Variants in PCNX2 observed in about 807,000 individuals in gnomAD.
PCNX2 encodes pecanex 2.
Under a neutral mutation model 223.8 loss-of-function variants are expected in PCNX2, and 168 were observed. That is an observed-to-expected ratio of 0.75 (90% CI 0.66 to 0.85). PCNX2 has a LOEUF of 0.85. Among genes scored for constraint, PCNX2 ranks in the 40% least tolerant of loss-of-function variants. The pLI is 0.00. For synonymous variants in PCNX2, 1,006 were observed against 1,052.6 expected, an observed-to-expected ratio of 0.96 and a Z score of 0.86; for missense variants, 2,507 against 2,675.5, an observed-to-expected ratio of 0.94 and a Z score of 1.39.
At chr1:233,089,231 A>C (rs974617979) in intron 23 of PCNX2, among the ~76,000 whole-genome samples, 2 of 152,220 alleles carry the variant, frequency 1.3e-5, no homozygotes, top group Non-Finnish European at 2.9e-5. Context: ...AAATAGCACA[A>C]GTATGGCTAA....
At chr1:233,038,044 T>G (rs1671518012) in intron 25 of PCNX2, among the ~76,000 whole-genome samples, 1 of 152,222 alleles carries the variant, frequency 6.6e-6, no homozygotes, top group African/African-American at 2.4e-5. Flanking sequence ...GAGACTATTC[T>G]TGTGGAAGGG....
At chr1:233,267,256 G>GCA (rs1391290723) in intron 1 of PCNX2, among the ~76,000 whole-genome samples, 2 of 150,582 alleles carry the variant, frequency 1.3e-5, no homozygotes, top group Non-Finnish European at 3.0e-5. Flanking sequence ...GGCAGAGGTT[G>GCA]CAATGAGCCA....
chr1:233,005,607 A>G (rs1670255787), intron 28 of PCNX2, among the ~76,000 whole-genome samples: 1 of 152,236 alleles, frequency 6.6e-6, no homozygotes, highest in African/African-American at 2.4e-5. Context: ...GAAATTATCC[A>G]CAGCACCTTA....
chr1:232,989,896 T>G (rs1167201653), intron 32 of PCNX2, among the ~76,000 whole-genome samples: 3 of 152,236 alleles, frequency 2.0e-5, no homozygotes, highest in Non-Finnish European at 4.4e-5. Flanking sequence ...CACTGCAGAC[T>G]GGAGGGCAAG....
At chr1:232,985,656 C>G in intron 33 of PCNX2, 1 of 397,156 alleles carries the variant, frequency 2.5e-6, no homozygotes, top group East Asian at 4.0e-5. Flanking sequence ...ATCTCAGCAG[C>G]TTTAAAGTCA....
intron 23 of PCNX2, among the ~76,000 whole-genome samples, chr1:233,086,640 CA>C (rs1295182770): frequency 6.6e-6 from 1 of 151,918 alleles, no homozygotes; most frequent in Non-Finnish European, 1.5e-5. Context: ...CACTGCACTC[CA>C]GCCTGGGCAA....
intron 10 of PCNX2, among the ~76,000 whole-genome samples, chr1:233,224,848 A>C (rs536693865): frequency 1.3e-5 from 2 of 152,236 alleles, no homozygotes; most frequent in African/African-American, 4.8e-5. Flanking sequence ...CTAACACAGG[A>C]ACAGAAAACC....
rs1659829757 is a variant in PCNX2 at position 233,258,049 on chromosome 1, C to T, written c.1813G>A (p.Glu605Lys). The T allele has an allele frequency of 2.5e-6, 4 of 1,612,236 alleles. No individual in the cohort carries two copies. The highest frequency in any genetic ancestry group is 3.4e-6 in the Non-Finnish European group (4 of 1,178,424). The change falls in exon 5 of 34, where the codon GAA (glutamate) becomes AAA (lysine). Residue 605 changes from glutamate to lysine, a missense_variant. This residue lies in a region of PCNX2 where 1,031 missense variants were observed against 1,021.7 expected (regional missense o/e 1.01). Coordinates refer to ENST00000258229, the MANE Select transcript of PCNX2 (RefSeq NM_014801.4). ...SQLNGSAEQN[E>K]ESGLLRDNCS... ...GCACCTCGGAGAAGCCCACTTTCTT[C>T]ATTCTGCTCAGCTGAGCCATTCAGT... is the stretch of plus-strand genomic sequence containing the variant.
At position 233,113,959 on chromosome 1, in the gene PCNX2, T is replaced by A. The variant is rs140114439; in HGVS notation, c.3838-18096A>T. Among the ~76,000 whole-genome samples the A allele has an allele frequency of 4.1e-3, 617 of 152,338 alleles. 3 individuals are homozygous for A. Among genetic ancestry groups the A allele is most frequent in the African/African-American group, 0.014 (599 of 41,568 alleles). Reference sequence around the variant, plus strand: ...TTCAACATTCCGGAGTTTTATTTCATATCTACTCTGTGCCTGACTGTGTTC... The same window carrying A: ...TTCAACATTCCGGAGTTTTATTTCAAATCTACTCTGTGCCTGACTGTGTTC... On this transcript the variant is annotated intron_variant, in intron 21 of 33. Coordinates refer to ENST00000258229, the MANE Select transcript of PCNX2 (RefSeq NM_014801.4).
rs1558189466 is a variant in PCNX2, at chr1:233,052,854, C to G, written c.4351+1414G>C. ...AGGCTTCCCTGTTTTAGTAAACACA[C>G]CTCTGCCCATGCAGACACTCGATCT... On this transcript the variant is annotated intron_variant, in intron 25 of 33. Coordinates refer to ENST00000258229, the MANE Select transcript of PCNX2 (RefSeq NM_014801.4). Among the ~76,000 whole-genome samples the G allele has an allele frequency of 3.3e-5, 5 of 152,052 alleles. No homozygotes were observed. In the South Asian group the frequency reaches 1.0e-3, roughly 32 times the overall value.
intron 1 of PCNX2, chr1:233,284,917 G>C: frequency 5.2e-6 from 5 of 957,932 alleles, no homozygotes; most frequent in Non-Finnish European, 6.2e-6. Context: ...AGGGTCATGG[G>C]GGGGATGATA....
chr1:233,259,345 C>A lies in PCNX2; in HGVS notation c.518-1G>T, dbSNP rs776646263. The A allele has an allele frequency of 6.2e-7, 1 of 1,602,708 alleles. No individual in the cohort carries two copies. Among genetic ancestry groups the A allele is most frequent in the Non-Finnish European group, 8.5e-7 (1 of 1,173,116 alleles). ...GGATGGTCTTCTAATAGAATGACAC[C>A]TGAAATGACACATGGCAACTTTATT... On this transcript the variant is annotated splice_acceptor_variant, in intron 4 of 33. Coordinates refer to ENST00000258229, the MANE Select transcript of PCNX2 (RefSeq NM_014801.4). LOFTEE classifies it high-confidence loss of function.
At position 233,236,940 on chromosome 1, in the gene PCNX2, T is replaced by G. The variant is rs765189510; in HGVS notation, c.2263A>C (p.Ser755Arg). 1.9e-6 allele frequency: 3 copies of G among 1,613,996 alleles called. No homozygotes were observed. The Admixed American group carries it at 5.0e-5, about 27-fold the overall frequency. ...VSSSSTTTSE[S>R]QDPSSGDPAV... ...GGGTCCCCAGAAGACGGATCTTGACTCTCAGAAGTTGTGGTACTGGAGGAG... is the reference window on the plus strand; with the variant it reads ...GGGTCCCCAGAAGACGGATCTTGACGCTCAGAAGTTGTGGTACTGGAGGAG... The change falls in exon 9 of 34, where the codon AGT becomes CGT. Residue 755 changes from serine to arginine, a missense_variant. By Grantham distance (110) the Ser-to-Arg change is moderately radical. This residue lies in a region of PCNX2 where 1,031 missense variants were observed against 1,021.7 expected (regional missense o/e 1.01). Coordinates refer to ENST00000258229, the MANE Select transcript of PCNX2 (RefSeq NM_014801.4).
upstream of PCNX2, among the ~76,000 whole-genome samples, chr1:233,297,805 C>T (rs750190144): frequency 6.6e-6 from 1 of 151,972 alleles, no homozygotes; most frequent in Non-Finnish European, 1.5e-5. Flanking sequence ...GTGACATGAT[C>T]GATAGTACAG....
chr1:233,160,292 C>T lies in PCNX2; in HGVS notation c.3508G>A (p.Glu1170Lys), dbSNP rs1558294979. Residue 1170 changes from glutamate (E) to lysine (K), a missense_variant, in exon 19 of 34, where the codon GAA becomes AAA. By Grantham distance (56) the Glu-to-Lys change is moderately conservative. Transcript: ENST00000258229. ...ILKNKEYHQR[E>K]VRDVAHLMWF... ...GGGATATATTACTAACCTCTCACTT[C>T]CCGTTGATGATACTCTTTGTTTTTG... The T allele has an allele frequency of 2.5e-6, 4 of 1,612,754 alleles. No individual in the cohort carries two copies. Among genetic ancestry groups the T allele is most frequent in the African/African-American group, 1.3e-5 (1 of 74,850 alleles).
At chr1:233,309,577 T>C in the PCNX2 span, among the ~76,000 whole-genome samples, 1 of 147,380 alleles carries the variant, frequency 6.8e-6, no homozygotes, top group African/African-American at 2.5e-5. Context: ...AATTAAAAAA[T>C]ATATACAAAA....
At chr1:233,291,831 G>A in intron 1 of PCNX2, 1 of 980,514 alleles carries the variant, frequency 1.0e-6, no homozygotes, top group Non-Finnish European at 1.2e-6. Flanking sequence ...CTTTCAGTTT[G>A]TCCAAAAGAA....
chr1:233,121,073 C>T (rs966613422), intron 21 of PCNX2, among the ~76,000 whole-genome samples: 18 of 151,594 alleles, frequency 1.2e-4, no homozygotes, highest in Middle Eastern at 3.2e-3. Context: ...AAAATACACC[C>T]TCCACGATAG....
chr1:233,257,258 A>G (rs1659780480), intron 5 of PCNX2, among the ~76,000 whole-genome samples: 1 of 97,698 alleles, frequency 1.0e-5, no homozygotes, highest in African/African-American at 2.9e-5. Context: ...TCCTGAACTT[A>G]CTAGATACTT....
Sources: allele counts gnomAD v4.1 joint callset (sites outside exome capture counted in the v4.1 genomes callset), GRCh38; gene constraint gnomAD v4.1.1; regional missense constraint gnomAD v4.1.1; transcripts MANE v1.5; gene names NCBI Gene and HGNC (gene_info 2026-07-23, HGNC 2026-07-21).